The following FAXC variants were observed in gnomAD, a reference collection of about 807,000 sequenced individuals.
FAXC encodes failed axon connections homolog.
Under a neutral mutation model 41.9 loss-of-function variants are expected in FAXC, and 10 were observed. That is an observed-to-expected ratio of 0.24 (90% CI 0.15 to 0.41). FAXC has a LOEUF of 0.41. Among genes scored for constraint, FAXC ranks in the 10% least tolerant of loss-of-function variants. The pLI is 1.00. For synonymous variants in FAXC, 183 were observed against 183.8 expected (o/e 1.00, Z 0.03); for missense variants, 399 against 510.9 (o/e 0.78, Z 2.11).
In FAXC at chr6:99,349,230, T is replaced by A; in HGVS notation, c.143A>T (p.Gln48Leu). 1 of 1,613,900 alleles carries A rather than the reference T, an allele frequency of 6.2e-7. No homozygotes were observed. Among genetic ancestry groups the A allele is most frequent in the Non-Finnish European group, 8.5e-7 (1 of 1,179,992 alleles). ...FYGDIIAFPL[Q>L]DYGGIMAGLG... is the part of the protein sequence containing the mutation. ...CCCTGCCATGATCCCACCGTAATCC[T>A]GCAAAGGGAAAGCGATGATGTCCCC... The change falls in exon 1 of 6, where the codon CAG becomes CTG. Residue 48 changes from glutamine to leucine, a missense_variant. Gln to Leu is a moderately radical substitution (Grantham distance 113). This residue lies in a region of FAXC where 68 missense variants were observed against 63.4 expected (regional missense o/e 1.07). Transcript: ENST00000389677.
intron 4 of FAXC, among the ~76,000 whole-genome samples, chr6:99,307,285 G>A (rs1489561939): frequency 6.6e-6 from 1 of 152,130 alleles, no homozygotes; most frequent in Admixed American, 6.5e-5. Flanking sequence ...AGGGAAAGCA[G>A]GAGACAGGAC....
intron 1 of FAXC, 112 bp downstream of exon 1, chr6:99,348,995 G>T (rs902564010): frequency 7.8e-6 from 8 of 1,019,612 alleles, no homozygotes; most frequent in Non-Finnish European, 1.0e-5. Context: ...CAGGGCGCTT[G>T]GGCATCTGGG....
At chr6:99,312,596 G>A (rs1582652470) in intron 4 of FAXC, among the ~76,000 whole-genome samples, 2 of 152,210 alleles carry the variant, frequency 1.3e-5, no homozygotes, top group Admixed American at 1.3e-4. Context: ...GAAGAGGGTA[G>A]GGAAAGTGAG....
At chr6:99,297,255 G>A (rs769893651) in intron 4 of FAXC, among the ~76,000 whole-genome samples, 2 of 152,188 alleles carry the variant, frequency 1.3e-5, no homozygotes, top group African/African-American at 2.4e-5. Context: ...AGTATGTGGA[G>A]GAGGACTGAG....
chr6:99,284,915 A>C (rs1770969735), intron 5 of FAXC, among the ~76,000 whole-genome samples: 1 of 129,036 alleles, frequency 7.7e-6, no homozygotes, highest in Non-Finnish European at 1.8e-5. Flanking sequence ...CCTCTATCTC[A>C]AAAAAAAAAA....
intron 4 of FAXC, among the ~76,000 whole-genome samples, chr6:99,317,161 G>A (rs1229598588): frequency 8.0e-6 from 1 of 124,284 alleles, no homozygotes; most frequent in Non-Finnish European, 1.6e-5. Flanking sequence ...ATCAAGTGAA[G>A]TTTGCTGGAA....
At chr6:99,343,151 G>GT in intron 1 of FAXC, 118 bp from the exon 2 acceptor site, 2 of 868,028 alleles carry the variant, frequency 2.3e-6, no homozygotes, top group Non-Finnish European at 3.4e-6. Context: ...AGATCTGTTT[G>GT]TCACAGGGGC....
rs1770427463 is a variant in FAXC, at chr6:99,272,152, GTGTGTGTGT to G, written c.*9003_*9011del. 1 of 40,470 alleles carries G rather than the reference GTGTGTGTGT, an allele frequency of 2.5e-5. No individual in the cohort carries two copies. The highest frequency in any genetic ancestry group is 9.7e-5 in the African/African-American group (1 of 10,354). The allele number at this position is 40,470 out of a possible 1,614,324, so 2.5% of individuals were successfully genotyped here. ...GAAAACTAATTGAGACTATATGTGTGTGTGTGTGTGTGTGTGTGTGTGTGTGTGTGTGTG... is the reference window on the plus strand; with the variant it reads ...GAAAACTAATTGAGACTATATGTGTGGTGTGTGTGTGTGTGTGTGTGTGTG... On this transcript the variant is annotated 3_prime_UTR_variant, in exon 6 of 6. Transcript: ENST00000389677.
intron 5 of FAXC, among the ~76,000 whole-genome samples, chr6:99,282,516 T>A (rs561238183): frequency 1.3e-5 from 2 of 152,200 alleles, no homozygotes; most frequent in Non-Finnish European, 2.9e-5. Flanking sequence ...CTAGATTACT[T>A]CTTTTTTATG....
At chr6:99,329,629 G>A (rs998627731) in intron 3 of FAXC, among the ~76,000 whole-genome samples, 1 of 152,068 alleles carries the variant, frequency 6.6e-6, no homozygotes, top group Non-Finnish European at 1.5e-5. Flanking sequence ...CCAAACAGGG[G>A]CCCTCGCTAC....
chr6:99,294,091 T>C (rs1466733021), intron 4 of FAXC, among the ~76,000 whole-genome samples: 2 of 152,118 alleles, frequency 1.3e-5, no homozygotes, highest in East Asian at 1.9e-4. Flanking sequence ...CCTAACCAAA[T>C]TGCCTTTTCT....
chr6:99,280,632 T>A lies in FAXC; in HGVS notation c.*532A>T, dbSNP rs983730243. The A allele has an allele frequency of 1.9e-5, 3 of 159,196 alleles. No homozygotes were observed. Among genetic ancestry groups the A allele is most frequent in the African/African-American group, 7.2e-5 (3 of 41,514 alleles). The allele number at this position is 159,196 out of a possible 1,614,324, so 9.9% of individuals were successfully genotyped here. A position where few individuals can be genotyped will look rare whatever the true frequency, so the allele number is the denominator to read the frequency against. ...AATAAAATGTATACTGATTAGCACC[T>A]AGCACAGTGCTTTGCACATAGTAGG... On this transcript the variant is annotated 3_prime_UTR_variant, in exon 6 of 6. Transcript: ENST00000389677.
chr6:99,323,305 A>C, intron 4 of FAXC, 139 bp downstream of exon 4: 1 of 685,912 alleles, frequency 1.5e-6, no homozygotes, highest in South Asian at 1.9e-5. Context: ...GATTTGGTTA[A>C]ATGTGGGGAC....
intron 4 of FAXC, among the ~76,000 whole-genome samples, chr6:99,305,415 C>T (rs1771882086): frequency 6.6e-6 from 1 of 152,192 alleles, no homozygotes; most frequent in Non-Finnish European, 1.5e-5. Flanking sequence ...TCTGGCTCTA[C>T]AGCCAGACTC....
chr6:99,329,822 C>T (rs1772967040), intron 3 of FAXC, among the ~76,000 whole-genome samples: 1 of 151,006 alleles, frequency 6.6e-6, no homozygotes, highest in African/African-American at 2.4e-5. Context: ...AACCTAGAAG[C>T]AAGTTTGAAT....
chr6:99,337,760 AAAT>A (rs1035868899), intron 2 of FAXC, among the ~76,000 whole-genome samples: 2 of 152,352 alleles, frequency 1.3e-5, no homozygotes, highest in East Asian at 1.9e-4. Context: ...TGATAGAGAA[AAAT>A]AATAATAACT....
intron 3 of FAXC, among the ~76,000 whole-genome samples, chr6:99,326,890 TAG>T (rs1772829270): frequency 6.6e-6 from 1 of 152,058 alleles, no homozygotes. Context: ...CACAGCAGTG[TAG>T]AGAGTTTTAG....
intron 3 of FAXC, among the ~76,000 whole-genome samples, chr6:99,332,230 T>A (rs1773052079): frequency 6.6e-6 from 1 of 151,560 alleles, no homozygotes; most frequent in Non-Finnish European, 1.5e-5. Flanking sequence ...AGAAAGAGAG[T>A]AGAATAAATG....
At position 99,273,495 on chromosome 6, in the gene FAXC, A is replaced by C. The variant is rs1770487966; in HGVS notation, c.*7669T>G. 7 of 149,150 alleles carry C rather than the reference A, an allele frequency of 4.7e-5. No homozygotes were observed. In the South Asian group the frequency reaches 1.6e-3, roughly 33 times the overall value. 9.2% of individuals were successfully genotyped at this position (149,150 alleles called of 1,614,324 possible). On this transcript the variant is annotated 3_prime_UTR_variant, in exon 6 of 6. Coordinates refer to ENST00000389677, the MANE Select transcript of FAXC (RefSeq NM_032511.4). ...TTTCTTTTCTTGTTTTGCTTACCTC[A>C]GTGTGTTGTTAAATCTTTCTGGAAT...
Sources: gnomAD v4.1 joint callset for allele counts (sites outside exome capture counted in the v4.1 genomes callset) on GRCh38, gnomAD v4.1.1 for gene constraint, gnomAD v4.1.1 regional missense constraint, MANE v1.5 for transcripts, NCBI Gene and HGNC (gene_info 2026-07-23, HGNC 2026-07-21) for gene names.